The following NFIB variants were observed in gnomAD, a reference collection of about 807,000 sequenced individuals.
The protein encoded by NFIB is nuclear factor 1 B-type.
Under a neutral mutation model 61.5 loss-of-function variants are expected in NFIB, and 11 were observed. The ratio of observed to expected loss-of-function variants is 0.18; its 90% CI spans 0.11 to 0.30. The LOEUF (loss-of-function observed/expected upper bound fraction) is 0.30, where lower values mean the gene tolerates loss of function less well. Among genes scored for constraint, NFIB ranks in the 10% least tolerant of loss-of-function variants. The pLI is 1.00. For synonymous variants in NFIB, 260 were observed against 216.5 expected (o/e 1.20, Z -1.76); for missense variants, 471 against 608.9 (o/e 0.77, Z 2.38).
the NFIB span, among the ~76,000 whole-genome samples, chr9:14,490,506 G>C: frequency 6.6e-6 from 1 of 152,076 alleles, no homozygotes; most frequent in Non-Finnish European, 1.5e-5. Flanking sequence ...AAGATACTAT[G>C]AAGAAGTGAA....
chr9:14,164,360 GC>G (rs1266065333), intron 3 of NFIB, among the ~76,000 whole-genome samples: 2 of 151,884 alleles, frequency 1.3e-5, no homozygotes, highest in Non-Finnish European at 2.9e-5. Flanking sequence ...ACACACCTAG[GC>G]TATATGCATG....
At chr9:14,233,545 C>G (rs753749099) in intron 2 of NFIB, among the ~76,000 whole-genome samples, 7 of 151,262 alleles carry the variant, frequency 4.6e-5, no homozygotes, top group African/African-American at 9.7e-5. Context: ...TCTCTTGCCT[C>G]AGCCTCTCAA....
intron 1 of NFIB, chr9:14,398,484 T>G: frequency 1.4e-6 from 2 of 1,446,820 alleles, no homozygotes; most frequent in African/African-American, 1.4e-5. Context: ...GGGACCTATT[T>G]GAAAGAAAAA....
chr9:14,447,062 C>T, the NFIB span, among the ~76,000 whole-genome samples: 1 of 152,080 alleles, frequency 6.6e-6, no homozygotes, highest in Non-Finnish European at 1.5e-5. Flanking sequence ...TCCTTATATG[C>T]TTGAGGTATT....
At chr9:14,457,003 T>C in the NFIB span, among the ~76,000 whole-genome samples, 1,259 of 152,218 alleles carry the variant, frequency 8.3e-3, 10 homozygotes, top group African/African-American at 0.026. Context: ...TGTACAACCA[T>C]AACAATGAAT....
intron 6 of NFIB, among the ~76,000 whole-genome samples, chr9:14,142,519 G>C (rs944084711): frequency 1.3e-5 from 2 of 152,000 alleles, no homozygotes; most frequent in African/African-American, 4.8e-5. Context: ...AGAGTAACTT[G>C]AATTAGACGA....
chr9:14,283,529 G>A (rs1363995530), intron 2 of NFIB, among the ~76,000 whole-genome samples: 1 of 152,218 alleles, frequency 6.6e-6, no homozygotes, highest in African/African-American at 2.4e-5. Context: ...TAAGGGCTCT[G>A]ACATAATGTC....
the NFIB span, among the ~76,000 whole-genome samples, chr9:14,476,457 T>C: frequency 5.3e-5 from 8 of 152,198 alleles, no homozygotes; most frequent in Non-Finnish European, 8.8e-5. Flanking sequence ...CAGGCCTTGA[T>C]TGACTTGTCA....
At chr9:14,527,177 T>A in the NFIB span, among the ~76,000 whole-genome samples, 3 of 152,060 alleles carry the variant, frequency 2.0e-5, no homozygotes, top group Non-Finnish European at 4.4e-5. Flanking sequence ...CTAAAGAACA[T>A]AGGTAAGGAA....
intron 1 of NFIB, among the ~76,000 whole-genome samples, chr9:14,376,381 AG>A (rs1659365108): frequency 6.6e-6 from 1 of 152,266 alleles, no homozygotes; most frequent in South Asian, 2.1e-4. Context: ...AGTAAAGAGT[AG>A]CTTCAACTTA....
the NFIB span, among the ~76,000 whole-genome samples, chr9:14,460,628 A>C: frequency 1.3e-5 from 2 of 152,244 alleles, no homozygotes; most frequent in Non-Finnish European, 2.9e-5. Flanking sequence ...AATGACCATC[A>C]ATCATATTCT....
chr9:14,342,723 C>G (rs925945070), intron 1 of NFIB, among the ~76,000 whole-genome samples: 1 of 152,104 alleles, frequency 6.6e-6, no homozygotes, highest in African/African-American at 2.4e-5. Context: ...TTTAAAACTC[C>G]TCCCTTCCTC....
At chr9:14,486,712 C>CAT in the NFIB span, among the ~76,000 whole-genome samples, 112 of 152,034 alleles carry the variant, frequency 7.4e-4, no homozygotes, top group Non-Finnish European at 1.1e-3. Context: ...CACACACACA[C>CAT]ACATACACAC....
the NFIB span, among the ~76,000 whole-genome samples, chr9:14,427,944 T>G: frequency 1.2e-5 from 1 of 83,176 alleles, no homozygotes; most frequent in Non-Finnish European, 2.3e-5. Context: ...GTTGTTTTTT[T>G]TTTTTTTTTT....
At chr9:14,374,910 A>T (rs1341881000) in intron 1 of NFIB, among the ~76,000 whole-genome samples, 1 of 151,970 alleles carries the variant, frequency 6.6e-6, no homozygotes, top group Non-Finnish European at 1.5e-5. Context: ...ACTCTGTCTC[A>T]AAATAAATAA....
At chr9:14,364,053 T>C (rs1361355179) in intron 1 of NFIB, among the ~76,000 whole-genome samples, 2 of 152,214 alleles carry the variant, frequency 1.3e-5, no homozygotes, top group Non-Finnish European at 2.9e-5. Context: ...TGTAGAGTCT[T>C]TCTCTACAGT....
chr9:14,181,586 A>C (rs372934587), intron 2 of NFIB, among the ~76,000 whole-genome samples: 1 of 152,266 alleles, frequency 6.6e-6, no homozygotes, highest in Admixed American at 6.5e-5. Flanking sequence ...TGATAGCTAC[A>C]TAAAAATGAT....
chr9:14,430,258 G>C, the NFIB span, among the ~76,000 whole-genome samples: 1 of 151,996 alleles, frequency 6.6e-6, no homozygotes, highest in Non-Finnish European at 1.5e-5. Flanking sequence ...ACAAACTCTA[G>C]TAGATCACTG....
At chr9:14,198,653 A>C (rs1442659805) in intron 2 of NFIB, among the ~76,000 whole-genome samples, 1 of 152,138 alleles carries the variant, frequency 6.6e-6, no homozygotes, top group Non-Finnish European at 1.5e-5. Flanking sequence ...CCTCACCCGC[A>C]ATGACTGGGA....
Sources: gnomAD v4.1 joint callset for allele counts (sites outside exome capture counted in the v4.1 genomes callset) on GRCh38, gnomAD v4.1.1 for gene constraint, MANE v1.5 for transcripts, NCBI Gene and HGNC (gene_info 2026-07-23, HGNC 2026-07-21) for gene names.